Variants in SLC35A5 observed in about 807,000 individuals in gnomAD.
SLC35A5 encodes UDP-sugar transporter protein SLC35A5.
In SLC35A5, 28 loss-of-function variants were observed where a neutral mutation model predicts 36.3. That is an observed-to-expected ratio of 0.77 (90% CI 0.57 to 1.06). SLC35A5 has a LOEUF of 1.06. SLC35A5 is among the 50% of genes least tolerant of loss of function. SLC35A5 has a pLI of 0.00. For synonymous variants in SLC35A5, 180 were observed against 173.7 expected (o/e 1.04, Z -0.29); for missense variants, 521 against 499.3 (o/e 1.04, Z -0.41).
upstream of SLC35A5, chr3:112,561,679 C>CGGGCGGGACGAGG (rs1421164450): frequency 5.2e-5 from 37 of 711,044 alleles, no homozygotes; most frequent in East Asian, 1.9e-4. Flanking sequence ...CGCGACGGGA[C>CGGGCGGGACGAGG]GGGCGGGACG....
chr3:112,566,948 T>C (rs1934221807), intron 2 of SLC35A5, among the ~76,000 whole-genome samples: 1 of 152,134 alleles, frequency 6.6e-6, no homozygotes, highest in Non-Finnish European at 1.5e-5. Flanking sequence ...AAAGATACAC[T>C]GGGTGTGGTG....
intron 5 of SLC35A5, among the ~76,000 whole-genome samples, chr3:112,579,569 G>A (rs1934810759): frequency 6.6e-6 from 1 of 151,434 alleles, no homozygotes; most frequent in Non-Finnish European, 1.5e-5. Context: ...CCCTCTGCCT[G>A]GATATATCAC....
chr3:112,581,511 C>G (rs1934927665), intron 6 of SLC35A5, among the ~76,000 whole-genome samples, 185 bp downstream of exon 6: 1 of 152,118 alleles, frequency 6.6e-6, no homozygotes, highest in South Asian at 2.1e-4. Context: ...TCAATGCTGT[C>G]AGGTGTAGAG....
At chr3:112,569,627 A>G (rs952692344) in intron 3 of SLC35A5, among the ~76,000 whole-genome samples, 4 of 152,160 alleles carry the variant, frequency 2.6e-5, no homozygotes, top group African/African-American at 9.7e-5. Flanking sequence ...AATAGTTCCC[A>G]TTTCCTGCAG....
chr3:112,564,228 A>C (rs1204850028), intron 2 of SLC35A5: 1 of 152,170 alleles, frequency 6.6e-6, no homozygotes, highest in Non-Finnish European at 1.5e-5. Context: ...GATCTCTGCC[A>C]GCCTCTGAGT....
intron 5 of SLC35A5, among the ~76,000 whole-genome samples, chr3:112,575,199 G>A (rs1019539866): frequency 6.6e-6 from 1 of 152,088 alleles, no homozygotes; most frequent in Admixed American, 6.5e-5. Flanking sequence ...ATGATAAAAG[G>A]ATCACGATTT....
At chr3:112,579,676 G>C (rs1532198) in intron 5 of SLC35A5, among the ~76,000 whole-genome samples, 148,962 of 152,284 alleles carry the variant, frequency 0.98, 72,876 homozygotes, top group Admixed American at 0.99. Context: ...TTTACAGATT[G>C]TAGTGTTCCT....
chr3:112,563,494 T>C lies in SLC35A5; in HGVS notation c.91T>C (p.Ser31Pro), dbSNP rs147519242. 24 of 1,607,394 alleles carry C rather than the reference T, an allele frequency of 1.5e-5. No homozygotes were observed. The African/African-American group carries it at 3.1e-4, about 21-fold the overall frequency. ...AGGTGCCATATTCATTGCTTTAAGC[T>C]CAAGTCGCATCTTACTAGTGAAGTA... ...LLGAIFIALS[S>P]SRILLVKYSA... The change falls in exon 2 of 7, where the codon TCA becomes CCA. Residue 31 changes from serine to proline, a missense_variant. Transcript: ENST00000492406.
chr3:112,562,374 G>C (rs1933955643), intron 1 of SLC35A5, 101 bp downstream of exon 1: 1 of 152,334 alleles, frequency 6.6e-6, no homozygotes, highest in African/African-American at 2.4e-5. Flanking sequence ...GGTAGTCCCT[G>C]ACTGTGAAGG....
Position 112,569,760 on chromosome 3 carries a change from AGCC to A in SLC35A5, c.229+492_229+494del, listed in dbSNP as rs1276320200. Among the ~76,000 whole-genome samples the A allele has an allele frequency of 1.7e-3, 266 of 152,340 alleles. No individual in the cohort carries two copies. The Middle Eastern group carries it at 0.02, about 12-fold the overall frequency. Reference sequence around the variant, plus strand: ...TTCCTTTCTCAAATGTAAAGTATATAGCCTTCCATGGAATGTATATGCTGTTTA... The same window carrying A: ...TTCCTTTCTCAAATGTAAAGTATATATTCCATGGAATGTATATGCTGTTTA... On this transcript the variant is annotated intron_variant, in intron 3 of 6. Transcript: ENST00000492406.
chr3:112,564,506 G>A (rs1222001400), intron 2 of SLC35A5: 4 of 152,188 alleles, frequency 2.6e-5, no homozygotes, highest in South Asian at 2.1e-4. Flanking sequence ...ATATACAATC[G>A]GGTTTTACTC....
upstream of SLC35A5, chr3:112,561,957 G>A: frequency 4.8e-6 from 1 of 206,574 alleles, no homozygotes; most frequent in Non-Finnish European, 9.8e-6. Context: ...GGCCTCACGT[G>A]ACACTAGACT....
intron 2 of SLC35A5, among the ~76,000 whole-genome samples, chr3:112,568,880 C>G (rs1934312668): frequency 6.6e-6 from 1 of 152,174 alleles, no homozygotes; most frequent in Admixed American, 6.5e-5. Flanking sequence ...TGCCATGCCA[C>G]AGAGCTTTCT....
chr3:112,567,563 C>T (rs904143780), intron 2 of SLC35A5, among the ~76,000 whole-genome samples: 2 of 152,198 alleles, frequency 1.3e-5, no homozygotes, highest in Non-Finnish European at 2.9e-5. Flanking sequence ...CCTCGGCCTC[C>T]CAAAGTGCTG....
rs549771767 is a variant in SLC35A5, at chr3:112,580,404, C to T, written c.429-142C>T. On this transcript the variant is annotated intron_variant, in intron 5 of 6. Coordinates refer to ENST00000492406, the MANE Select transcript of SLC35A5 (RefSeq NM_017945.5). Reference sequence around the variant, plus strand: ...TGAGAGACAGGCACCAACAGTTTTTCTCTGAACTTGAGTGGTAGGAAATGC... The same window carrying T: ...TGAGAGACAGGCACCAACAGTTTTTTTCTGAACTTGAGTGGTAGGAAATGC... The T allele has an allele frequency of 1.5e-5, 13 of 894,466 alleles. No homozygotes were observed. The Admixed American group carries it at 3.9e-4, about 27-fold the overall frequency. 55.4% of individuals were successfully genotyped at this position (894,466 alleles called of 1,614,324 possible).
rs911700702 is a variant in SLC35A5 at position 112,569,284 on chromosome 3, G to T, written c.229+15G>T. On this transcript the variant is annotated intron_variant, in intron 3 of 6. Coordinates refer to ENST00000492406, the MANE Select transcript of SLC35A5 (RefSeq NM_017945.5). Reference sequence around the variant, plus strand: ...TATAAAGAAAGGTAAGTCTTGAAATGGTACTATATACTTGTTAATCATAGG... The same window carrying T: ...TATAAAGAAAGGTAAGTCTTGAAATTGTACTATATACTTGTTAATCATAGG... The T allele has an allele frequency of 6.2e-7, 1 of 1,600,120 alleles. No homozygotes were observed. Among genetic ancestry groups the T allele is most frequent in the African/African-American group, 1.3e-5 (1 of 74,506 alleles).
At chr3:112,567,698 A>G (rs909114799) in intron 2 of SLC35A5, among the ~76,000 whole-genome samples, 1 of 152,192 alleles carries the variant, frequency 6.6e-6, no homozygotes, top group Non-Finnish European at 1.5e-5. Flanking sequence ...GCCATGTAGA[A>G]AGGTATGTTA....
At chr3:112,561,827 G>C (rs1243320665), upstream of SLC35A5, 3 of 402,952 alleles carry the variant, frequency 7.4e-6, no homozygotes, top group Non-Finnish European at 1.3e-5. Context: ...CCTGAGGTGA[G>C]AAGCGGACGC....
At chr3:112,565,645 G>C (rs966426817) in intron 2 of SLC35A5, among the ~76,000 whole-genome samples, 1 of 152,188 alleles carries the variant, frequency 6.6e-6, no homozygotes, top group Admixed American at 6.5e-5. Flanking sequence ...GGGTTTGTTG[G>C]CGTGTGCCTG....
Sources: gnomAD v4.1 joint callset for allele counts (sites outside exome capture counted in the v4.1 genomes callset) on GRCh38, gnomAD v4.1.1 for gene constraint, MANE v1.5 for transcripts, NCBI Gene and HGNC (gene_info 2026-07-23, HGNC 2026-07-21) for gene names.